The following ECT2 variants were observed in gnomAD, a reference collection of about 807,000 sequenced individuals.
The protein encoded by ECT2 is protein ECT2.
Under a neutral mutation model 116.9 loss-of-function variants are expected in ECT2, and 61 were observed. The observed-to-expected ratio is 0.52, with a 90% CI of 0.42 to 0.65. ECT2 has a LOEUF of 0.65. Ranked by LOEUF, ECT2 falls within the 30% of genes least tolerant of loss-of-function variation. The pLI is 0.00. For missense variants in ECT2, 937 were observed against 1,078.7 expected, an observed-to-expected ratio of 0.87 and a Z score of 1.84; for synonymous variants, 358 against 346.4, an observed-to-expected ratio of 1.03 and a Z score of -0.37.
At position 172,805,814 on chromosome 3, in the gene ECT2, T is replaced by G; in HGVS notation, c.2190T>G (p.Ile730Met). Residue 730 changes from isoleucine (I) to methionine (M), a missense_variant, in exon 21 of 25, where the codon ATT (isoleucine) becomes ATG (methionine). Ile to Met is a conservative substitution (Grantham distance 10). Coordinates refer to ENST00000392692, the MANE Select transcript of ECT2 (RefSeq NM_001258315.2). The part of the protein sequence containing the change: ...QTRPPASLKH[I>M]HLMPLSQIKK... ...GACCCCCAGCTTCTCTTAAGCATAT[T>G]CACCTAATGCCTCTTTCTCAGATTA... The G allele has an allele frequency of 6.2e-7, 1 of 1,613,852 alleles. No individual in the cohort carries two copies.
At chr3:172,785,157 G>C (rs1296667999) in intron 17 of ECT2, among the ~76,000 whole-genome samples, 1 of 151,980 alleles carries the variant, frequency 6.6e-6, no homozygotes, top group African/African-American at 2.4e-5. Context: ...CTTTTTTGTA[G>C]CCCTTTTTTG....
chr3:172,782,293 A>G, intron 15 of ECT2, 62 bp downstream of exon 15: 3 of 960,308 alleles, frequency 3.1e-6, no homozygotes, highest in Non-Finnish European at 4.7e-6. Context: ...AAGGACTGGC[A>G]AGGAGTGTAA....
chr3:172,793,870 G>A (rs1223464003), intron 18 of ECT2, among the ~76,000 whole-genome samples: 1 of 151,940 alleles, frequency 6.6e-6, no homozygotes, highest in Non-Finnish European at 1.5e-5. Context: ...CTTTTCATGT[G>A]ATTATTTGCT....
intron 20 of ECT2, 26 bp from the exon 21 acceptor site, chr3:172,805,705 G>C: frequency 6.2e-7 from 1 of 1,607,094 alleles, no homozygotes; most frequent in Non-Finnish European, 8.5e-7. Flanking sequence ...TTTATTGACT[G>C]ATACTTTTTT....
At chr3:172,750,930 G>A (rs1439453285) in intron 1 of ECT2, 73 bp downstream of exon 1, 1 of 152,524 alleles carries the variant, frequency 6.6e-6, no homozygotes, top group Non-Finnish European at 1.5e-5. Context: ...TTTTGCCTGC[G>A]GTCGACGTCC....
chr3:172,761,599 T>G lies in ECT2; in HGVS notation c.685-11T>G. The G allele has an allele frequency of 6.3e-7, 1 of 1,590,734 alleles. No homozygotes were observed. Among genetic ancestry groups the G allele is most frequent in the Non-Finnish European group, 8.6e-7 (1 of 1,160,070 alleles). ...TAAGGAGAAAATTCACTGTAATGTT[T>G]ATATTTTTAGGTTGCTGTGAGTCTA... On this transcript the variant is annotated splice_polypyrimidine_tract_variant and intron_variant, in intron 7 of 24. Coordinates refer to ENST00000392692, the MANE Select transcript of ECT2 (RefSeq NM_001258315.2).
intron 23 of ECT2, among the ~76,000 whole-genome samples, chr3:172,816,038 C>T (rs907088962): frequency 3.3e-5 from 5 of 152,110 alleles, no homozygotes; most frequent in Non-Finnish European, 7.4e-5. Context: ...AAAGGGCACA[C>T]GGTAGTCAGG....
intron 16 of ECT2, among the ~76,000 whole-genome samples, chr3:172,784,178 A>G (rs779515633): frequency 8.6e-5 from 13 of 151,918 alleles, no homozygotes; most frequent in Non-Finnish European, 1.3e-4. Context: ...GCACCGGCCA[A>G]TGTCAGCCTA....
chr3:172,763,015 T>G (rs1718639142), intron 11 of ECT2, 43 bp downstream of exon 11: 1 of 1,592,058 alleles, frequency 6.3e-7, no homozygotes, highest in African/African-American at 1.3e-5. Flanking sequence ...TGAGCTTGAT[T>G]GTTTGAAAAT....
chr3:172,752,692 G>A (rs1242963712), intron 1 of ECT2, among the ~76,000 whole-genome samples: 1 of 152,092 alleles, frequency 6.6e-6, no homozygotes, highest in Non-Finnish European at 1.5e-5. Context: ...TGGATGTATG[G>A]TAAAGCCATA....
At chr3:172,759,461 G>C (rs1048928156) in intron 6 of ECT2, among the ~76,000 whole-genome samples, 31 of 151,324 alleles carry the variant, frequency 2.0e-4, no homozygotes, top group Non-Finnish European at 1.5e-4. Flanking sequence ...TATTTTTTTT[G>C]AGACAAGTCT....
At chr3:172,796,448 T>G (rs1725660601) in intron 18 of ECT2, 1 of 152,208 alleles carries the variant, frequency 6.6e-6, no homozygotes, top group South Asian at 2.1e-4. Context: ...AATTCCAGAA[T>G]CTGTTTCTTT....
rs1728058477 is a variant in ECT2, at chr3:172,807,828, A to G, written c.2304A>G (p.Leu768=). Residue 768 remains leucine (L), a synonymous_variant, in exon 22 of 25, where the codon CTA becomes CTG. Coordinates refer to ENST00000392692, the MANE Select transcript of ECT2 (RefSeq NM_001258315.2). ...VRPPTEQANV[L]LSFQMTSDEL... ...CACCAACAGAGCAGGCAAATGTGCT[A>G]CTCAGTTTCCAGATGACATCAGATG... 9 of 1,613,872 alleles carry G rather than the reference A, an allele frequency of 5.6e-6. No individual in the cohort carries two copies. Among genetic ancestry groups the G allele is most frequent in the South Asian group, 3.3e-5 (3 of 91,082 alleles).
Position 172,769,056 on chromosome 3 carries a change from T to C in ECT2, c.1341T>C (p.Pro447=). Residue 447 remains proline (P), a synonymous_variant, in exon 13 of 25, where the codon CCT becomes CCC. Coordinates refer to ENST00000392692, the MANE Select transcript of ECT2 (RefSeq NM_001258315.2). ...CTTCTAAAAGCTCCACTCCAGTTCC[T>C]TCAAAGCAGTCAGCAAGGTGGCAAG... The part of the protein sequence containing the change: ...TKSSKSSTPV[P]SKQSARWQVA... 6.2e-7 allele frequency: 1 copy of C among 1,613,606 alleles called. No individual in the cohort carries two copies. Among genetic ancestry groups the C allele is most frequent in the Non-Finnish European group, 8.5e-7 (1 of 1,179,662 alleles).
chr3:172,776,900 A>G (rs1415109659), intron 14 of ECT2, among the ~76,000 whole-genome samples: 3 of 151,560 alleles, frequency 2.0e-5, no homozygotes, highest in Admixed American at 2.0e-4. Flanking sequence ...TTTGCGACAA[A>G]GTCTCGCTCT....
the ECT2 span, chr3:172,828,848 C>A: frequency 9.9e-7 from 1 of 1,005,706 alleles, no homozygotes. Flanking sequence ...AGATGAGTGC[C>A]TGAGAGACGA....
At chr3:172,759,099 A>AT (rs761643733) in intron 6 of ECT2, 30 bp downstream of exon 6, 5 of 1,450,658 alleles carry the variant, frequency 3.4e-6, no homozygotes, top group African/African-American at 2.9e-5. Context: ...TTCAAAGCGT[A>AT]TTTTTTACAG....
In ECT2 at chr3:172,807,832, A is replaced by G; in HGVS notation, c.2308A>G (p.Ser770Gly). ...PPTEQANVLL[S>G]FQMTSDELPK... Reference sequence around the variant, plus strand: ...AACAGAGCAGGCAAATGTGCTACTCAGTTTCCAGATGACATCAGATGAACT... The same window carrying G: ...AACAGAGCAGGCAAATGTGCTACTCGGTTTCCAGATGACATCAGATGAACT... The change falls in exon 22 of 25, where the codon AGT becomes GGT. Residue 770 changes from serine to glycine, a missense_variant. Transcript: ENST00000392692. 1 of 1,613,996 alleles carries G rather than the reference A, an allele frequency of 6.2e-7. No individual in the cohort carries two copies. Among genetic ancestry groups the G allele is most frequent in the Non-Finnish European group, 8.5e-7 (1 of 1,179,880 alleles).
chr3:172,782,119 G>C, intron 14 of ECT2, 44 bp from the exon 15 acceptor site: 1 of 1,170,270 alleles, frequency 8.5e-7, no homozygotes. Context: ...TGTATAAGGA[G>C]CTGTCAGGTT....
Sources: gnomAD v4.1 joint callset for allele counts (sites outside exome capture counted in the v4.1 genomes callset) on GRCh38, gnomAD v4.1.1 for gene constraint, MANE v1.5 for transcripts, NCBI Gene and HGNC (gene_info 2026-07-23, HGNC 2026-07-21) for gene names.